The following RASGRF1 variants were observed in gnomAD, a reference collection of about 807,000 sequenced individuals.
The protein encoded by RASGRF1 is ras-specific guanine nucleotide-releasing factor 1.
A neutral mutation model predicts 138.7 loss-of-function variants in RASGRF1; 40 were observed. The ratio of observed to expected loss-of-function variants is 0.29; its 90% confidence interval spans 0.22 to 0.38. The LOEUF is 0.38. Ranked by LOEUF, RASGRF1 falls within the 10% of genes least tolerant of loss-of-function variation. The probability of loss-of-function intolerance (pLI) is 1.00; values close to 1 mark genes in which losing one functional copy is unlikely to be tolerated. For synonymous variants in RASGRF1, 614 were observed against 663.2 expected, an observed-to-expected ratio of 0.93 and a Z score of 1.14; for missense variants, 1,108 against 1,650.4, an observed-to-expected ratio of 0.67 and a Z score of 5.69.
intron 26 of RASGRF1, 49 bp downstream of exon 26, chr15:78,971,817 C>T (rs761919555): frequency 1.3e-6 from 2 of 1,503,390 alleles, no homozygotes; most frequent in Middle Eastern, 1.7e-4. Flanking sequence ...GTGGCCTAGA[C>T]AGAGCCACTG....
At chr15:79,071,015 C>T (rs1343389828) in intron 1 of RASGRF1, among the ~76,000 whole-genome samples, 5 of 152,260 alleles carry the variant, frequency 3.3e-5, no homozygotes, top group Admixed American at 3.3e-4. Context: ...CTCTTATCCT[C>T]TGCTGGTCTC....
intron 3 of RASGRF1, among the ~76,000 whole-genome samples, chr15:79,053,880 T>C (rs1251755003): frequency 6.6e-6 from 1 of 152,236 alleles, no homozygotes; most frequent in Non-Finnish European, 1.5e-5. Flanking sequence ...ACATTTTCTT[T>C]TGTGCTTAGC....
chr15:79,078,141 G>GTGTGTGTGTGTGTGTGTGTGTGTGCA (rs143448968), intron 1 of RASGRF1, among the ~76,000 whole-genome samples: 2 of 71,012 alleles, frequency 2.8e-5, no homozygotes. Context: ...TGGTGTGTGT[G>GTGTGTGTGTGTGTGTGTGTGTGTGCA]TGTGTGTGTG....
Position 79,058,986 on chromosome 15 carries a change from G to A in RASGRF1, c.384-505C>T, listed in dbSNP as rs117390243. Among the ~76,000 whole-genome samples the A allele has an allele frequency of 1.6e-3, 237 of 152,242 alleles. 1 individual carries two copies. The highest frequency in any genetic ancestry group is 0.012 in the East Asian group (60 of 5,168). On this transcript the variant is annotated intron_variant, in intron 2 of 26. Coordinates refer to ENST00000558480, the MANE Select transcript of RASGRF1 (RefSeq NM_001145648.3). ...ATGGGTGTGAAAATTCAGCTGCTTC[G>A]TTAGTCTCTTCTTACTAATGGACCC... is the stretch of plus-strand genomic sequence containing the variant.
intron 1 of RASGRF1, among the ~76,000 whole-genome samples, chr15:79,065,098 A>G (rs1170788052): frequency 1.3e-5 from 2 of 152,226 alleles, no homozygotes; most frequent in Non-Finnish European, 2.9e-5. Context: ...ATAGACACCC[A>G]TCTGCAATAC....
chr15:78,997,472 C>G (rs1192241626), intron 19 of RASGRF1, among the ~76,000 whole-genome samples: 1 of 152,144 alleles, frequency 6.6e-6, no homozygotes, highest in Non-Finnish European at 1.5e-5. Flanking sequence ...GTGGCTCATG[C>G]CTGTAATCCC....
At chr15:79,000,227 G>A (rs2056491817) in intron 16 of RASGRF1, among the ~76,000 whole-genome samples, 1 of 152,190 alleles carries the variant, frequency 6.6e-6, no homozygotes, top group South Asian at 2.1e-4. Flanking sequence ...GGTCCAGCAG[G>A]GCACAGGCCT....
chr15:79,041,023 T>C (rs970889553), intron 5 of RASGRF1, among the ~76,000 whole-genome samples: 1 of 152,232 alleles, frequency 6.6e-6, no homozygotes, highest in Admixed American at 6.5e-5. Flanking sequence ...TCAAGGCTGC[T>C]GGATGCACAA....
chr15:79,086,578 C>CG (rs1179312903), intron 1 of RASGRF1, among the ~76,000 whole-genome samples: 2 of 47,546 alleles, frequency 4.2e-5, no homozygotes, highest in Non-Finnish European at 8.4e-5. Flanking sequence ...TTCTAAGACC[C>CG]CCCCCCCCCA....
chr15:78,992,202 G>A (rs930798053), intron 20 of RASGRF1, among the ~76,000 whole-genome samples: 1 of 152,214 alleles, frequency 6.6e-6, no homozygotes, highest in East Asian at 1.9e-4. Flanking sequence ...TTCAGCGTCC[G>A]CCTGAGCCCA....
chr15:78,995,359 G>A (rs1180203685), intron 20 of RASGRF1, among the ~76,000 whole-genome samples: 1 of 148,666 alleles, frequency 6.7e-6, no homozygotes, highest in Non-Finnish European at 1.5e-5. Context: ...GAGGATCTTG[G>A]CTCACTGCCA....
chr15:78,990,264 G>A lies in RASGRF1; in HGVS notation c.3141C>T (p.Phe1047=), dbSNP rs747548993. 87 of 1,606,100 alleles carry A rather than the reference G, an allele frequency of 5.4e-5. No individual in the cohort carries two copies. Among genetic ancestry groups the A allele is most frequent in the Non-Finnish European group, 6.7e-5 (78 of 1,172,808 alleles). Residue 1047 remains phenylalanine, a synonymous_variant, in exon 22 of 27, where the codon TTC becomes TTT. Transcript: ENST00000558480. ...VFKKIPYEEF[F]GQGWMKLEKN... is the part of the protein sequence containing the mutation. ...TTTCCAGTTTCATCCATCCTTGTCCGAAGAACTCCCTGTAGGAAGTAAGGG... is the reference window on the plus strand; with the variant it reads ...TTTCCAGTTTCATCCATCCTTGTCCAAAGAACTCCCTGTAGGAAGTAAGGG...
intron 10 of RASGRF1, among the ~76,000 whole-genome samples, chr15:79,022,053 A>G (rs1466825303): frequency 6.6e-6 from 1 of 152,158 alleles, no homozygotes; most frequent in African/African-American, 2.4e-5. Flanking sequence ...AGGCCATGTG[A>G]CTTGTCTGAG....
chr15:78,998,258 C>T (rs4778771), intron 18 of RASGRF1, 50 bp from the exon 19 acceptor site: 210,215 of 1,468,902 alleles, frequency 0.14, 16,071 homozygotes, highest in Admixed American at 0.16. Flanking sequence ...TTGAGCTGCT[C>T]TGCAGTGGTC....
At chr15:79,011,882 G>A (rs2056801659) in intron 13 of RASGRF1, among the ~76,000 whole-genome samples, 1 of 152,040 alleles carries the variant, frequency 6.6e-6, no homozygotes, top group East Asian at 1.9e-4. Flanking sequence ...CAGGTGTGGT[G>A]GTGCACGCCT....
rs552659406 is a variant in RASGRF1 at position 79,003,721 on chromosome 15, G to T, written c.2449+81C>A. 47 of 1,510,362 alleles carry T rather than the reference G, an allele frequency of 3.1e-5. 1 individual carries two copies. The African/African-American group carries it at 5.0e-4, about 16-fold the overall frequency. The allele number at this position is 1,510,362 out of a possible 1,614,324, so 93.6% of individuals were successfully genotyped here. On this transcript the variant is annotated intron_variant, in intron 15 of 26. Transcript: ENST00000558480. ...CTTCCCCATGGGAGCAGGAAGAGCA[G>T]CCCTGAGGCCTTGCTGGGCCAGGCT...
At chr15:79,064,791 C>CA (rs2057655042) in intron 1 of RASGRF1, 1 of 437,314 alleles carries the variant, frequency 2.3e-6, no homozygotes, top group Non-Finnish European at 4.1e-6. Flanking sequence ...CAACAAATTG[C>CA]AAAAAAGCCA....
At position 79,056,996 on chromosome 15, in the gene RASGRF1, G is replaced by A. The variant is rs1328979483; in HGVS notation, c.531+1338C>T. On this transcript the variant is annotated intron_variant, in intron 3 of 26. Coordinates refer to ENST00000558480, the MANE Select transcript of RASGRF1 (RefSeq NM_001145648.3). Reference sequence around the variant, plus strand: ...TTCATGCATGTTCCTACCTCCCACCGCTTTTTCAGCTCCTTGGATGGGTCC... The same window carrying A: ...TTCATGCATGTTCCTACCTCCCACCACTTTTTCAGCTCCTTGGATGGGTCC... Among the ~76,000 whole-genome samples the A allele has an allele frequency of 2.6e-5, 4 of 152,310 alleles. No individual in the cohort carries two copies. In the South Asian group the frequency reaches 6.2e-4, roughly 24 times the overall value.
At chr15:79,024,727 T>A (rs910947682) in intron 10 of RASGRF1, among the ~76,000 whole-genome samples, 2 of 152,192 alleles carry the variant, frequency 1.3e-5, no homozygotes, top group African/African-American at 4.8e-5. Context: ...CCTTCCACCA[T>A]GATTGTGAGG....
Sources: allele counts gnomAD v4.1 joint callset (sites outside exome capture counted in the v4.1 genomes callset), GRCh38; gene constraint gnomAD v4.1.1; transcripts MANE v1.5; gene names NCBI Gene and HGNC (gene_info 2026-07-23, HGNC 2026-07-21).